The following CLDN16 variants were observed in gnomAD, a reference collection of about 807,000 sequenced individuals.
The protein encoded by CLDN16 is claudin 16.
A neutral mutation model predicts 24.6 loss-of-function variants in CLDN16; 13 were observed. The observed-to-expected ratio is 0.53, with a 90% CI of 0.34 to 0.84. CLDN16 has a LOEUF of 0.84. CLDN16 is among the 40% of genes least tolerant of loss of function. The probability of loss-of-function intolerance (pLI) is 0.01; values close to 1 mark genes in which losing one functional copy is unlikely to be tolerated. For missense variants in CLDN16, 298 were observed against 292.7 expected (o/e 1.02, Z -0.13); for synonymous variants, 116 against 106.7 (o/e 1.09, Z -0.54).
chr3:190,307,081 C>G, the CLDN16 span: 1 of 152,568 alleles, frequency 6.6e-6, no homozygotes. Context: ...GTAATATAAA[C>G]TAATTAATAT....
At chr3:190,400,460 T>C (rs1718934740) in intron 1 of CLDN16, among the ~76,000 whole-genome samples, 1 of 152,120 alleles carries the variant, frequency 6.6e-6, no homozygotes, top group African/African-American at 2.4e-5. Context: ...CCCGATCTCC[T>C]GACCTCTTGA....
At chr3:190,355,141 A>G (rs1717742204) in intron 1 of CLDN16, among the ~76,000 whole-genome samples, 1 of 151,982 alleles carries the variant, frequency 6.6e-6, no homozygotes, top group African/African-American at 2.4e-5. Flanking sequence ...CACACAACAA[A>G]ACCTCCTGGT....
chr3:190,346,472 T>G (rs1000418136), intron 1 of CLDN16, among the ~76,000 whole-genome samples: 1 of 152,234 alleles, frequency 6.6e-6, no homozygotes, highest in Non-Finnish European at 1.5e-5. Context: ...ATGCTGAAAT[T>G]AAAATAATAA....
chr3:190,388,785 A>T (rs553369889), intron 1 of CLDN16, among the ~76,000 whole-genome samples: 39 of 152,334 alleles, frequency 2.6e-4, no homozygotes, highest in Non-Finnish European at 4.7e-4. Flanking sequence ...GTAACATTTC[A>T]GTACCACCCT....
intron 1 of CLDN16, 120 bp downstream of exon 1, chr3:190,388,563 A>C: frequency 1.2e-6 from 1 of 831,220 alleles, no homozygotes; most frequent in Admixed American, 1.7e-5. Context: ...AATAGGCAAC[A>C]TGGACTATTT....
chr3:190,317,135 A>G, the CLDN16 span, among the ~76,000 whole-genome samples: 2 of 152,194 alleles, frequency 1.3e-5, no homozygotes, highest in Non-Finnish European at 2.9e-5. Context: ...TGCAATATTA[A>G]CTTTGAATTG....
At chr3:190,352,682 TACTATTCTAGAACATCA>T (rs1308141938) in intron 1 of CLDN16, among the ~76,000 whole-genome samples, 1 of 152,024 alleles carries the variant, frequency 6.6e-6, no homozygotes, top group Non-Finnish European at 1.5e-5. Context: ...AAGCAAAAGC[TACTATTCTAGAACATCA>T]AAAGGTCCTT....
rs780065863 is a variant in CLDN16, at chr3:190,367,926, A to G, written n.122-2967A>G. Among the ~76,000 whole-genome samples the G allele has an allele frequency of 2.3e-4, 35 of 151,924 alleles. 1 individual carries two copies. The highest frequency in any genetic ancestry group is 6.6e-5 in the Admixed American group (1 of 15,232). ...AAAAGTCTCTGCAATCTGCATTTTG[A>G]TTACATTCCCATAATCTTTCCTCCC... On this transcript the variant is annotated intron_variant and non_coding_transcript_variant, in intron 1 of 4. Transcript: ENST00000468220.
intron 3 of CLDN16, among the ~76,000 whole-genome samples, chr3:190,406,597 A>G (rs1280055982): frequency 6.6e-6 from 1 of 152,194 alleles, no homozygotes; most frequent in Non-Finnish European, 1.5e-5. Context: ...TTAGTGTGCT[A>G]TAAAATTTAT....
chr3:190,374,003 T>A (rs1560090191), intron 2 of CLDN16, among the ~76,000 whole-genome samples: 1 of 151,838 alleles, frequency 6.6e-6, no homozygotes, highest in Non-Finnish European at 1.5e-5. Flanking sequence ...AACTTCTCAG[T>A]GGCTGAAGTT....
At chr3:190,379,126 G>T (rs1236386491) in intron 3 of CLDN16, among the ~76,000 whole-genome samples, 1 of 152,054 alleles carries the variant, frequency 6.6e-6, no homozygotes, top group South Asian at 2.1e-4. Context: ...TTTCTATAAT[G>T]GTCAGATCAA....
chr3:190,402,498 T>A, intron 2 of CLDN16, 59 bp downstream of exon 2: 1 of 1,312,644 alleles, frequency 7.6e-7, no homozygotes, highest in Non-Finnish European at 1.1e-6. Context: ...AAAACTGAGT[T>A]CAGGTTTCCA....
At chr3:190,380,202 T>C (rs867757174) in intron 3 of CLDN16, among the ~76,000 whole-genome samples, 2 of 29,812 alleles carry the variant, frequency 6.7e-5, no homozygotes, top group Non-Finnish European at 1.6e-4. Flanking sequence ...TTCCCTCCCT[T>C]CCTTCCTTCC....
chr3:190,357,832 C>A (rs1394446069), intron 1 of CLDN16, among the ~76,000 whole-genome samples: 1 of 151,972 alleles, frequency 6.6e-6, no homozygotes, highest in African/African-American at 2.4e-5. Context: ...GTTACATTTT[C>A]TTCTCCATAA....
the CLDN16 span, chr3:190,310,196 T>C: frequency 3.1e-6 from 5 of 1,613,918 alleles, no homozygotes; most frequent in South Asian, 1.1e-5. Flanking sequence ...CATAGGGTCA[T>C]AGAATTCTTG....
intron 3 of CLDN16, among the ~76,000 whole-genome samples, chr3:190,379,899 G>A (rs1473968006): frequency 6.6e-6 from 1 of 151,818 alleles, no homozygotes; most frequent in African/African-American, 2.4e-5. Context: ...CCTCATTTAT[G>A]GTCCTATAAC....
chr3:190,387,015 A>G (rs541117824), upstream of CLDN16, among the ~76,000 whole-genome samples: 17 of 152,292 alleles, frequency 1.1e-4, no homozygotes, highest in Non-Finnish European at 1.8e-4. Flanking sequence ...GATTCATGCC[A>G]GAGTAATTAC....
intron 1 of CLDN16, among the ~76,000 whole-genome samples, chr3:190,349,223 G>A (rs1207756792): frequency 6.6e-6 from 1 of 152,158 alleles, no homozygotes; most frequent in African/African-American, 2.4e-5. Context: ...ATTGGATCAT[G>A]GGGATGAATT....
chr3:190,364,653 T>A (rs1310098703), intron 1 of CLDN16, among the ~76,000 whole-genome samples: 1 of 151,934 alleles, frequency 6.6e-6, no homozygotes, highest in Non-Finnish European at 1.5e-5. Context: ...AGCATTAGGG[T>A]CTGACTGGCT....
Sources: allele counts gnomAD v4.1 joint callset (sites outside exome capture counted in the v4.1 genomes callset), GRCh38; gene constraint gnomAD v4.1.1; transcripts MANE v1.5; gene names NCBI Gene and HGNC (gene_info 2026-07-23, HGNC 2026-07-21).